Variants in CERT1 observed in about 807,000 individuals in gnomAD.
CERT1 encodes the protein ceramide transporter 1, also known as ceramide transfer protein.
Under a neutral mutation model 87.9 loss-of-function variants are expected in CERT1, and 31 were observed. The observed-to-expected ratio is 0.35, with a 90% CI of 0.27 to 0.48. The LOEUF (loss-of-function observed/expected upper bound fraction) is 0.48. CERT1 is among the 20% of genes least tolerant of loss of function. CERT1 has a pLI of 0.99. For missense variants in CERT1, 487 were observed against 758.0 expected, an observed-to-expected ratio of 0.64 and a Z score of 4.20; for synonymous variants, 289 against 250.9, an observed-to-expected ratio of 1.15 and a Z score of -1.44.
intron 2 of CERT1, among the ~76,000 whole-genome samples, chr5:75,498,584 C>T (rs939980048): frequency 3.3e-5 from 5 of 152,228 alleles, no homozygotes; most frequent in African/African-American, 9.6e-5. Context: ...CAAGCCTTGG[C>T]GGCTTTCCCA....
intron 3 of CERT1, among the ~76,000 whole-genome samples, chr5:75,447,815 A>G (rs1764617827): frequency 6.6e-6 from 1 of 151,334 alleles, no homozygotes; most frequent in South Asian, 2.1e-4. Flanking sequence ...TCATTGTGTT[A>G]CCCAGGCTAA....
chr5:75,429,267 T>C (rs1763765287), intron 3 of CERT1, among the ~76,000 whole-genome samples: 1 of 151,674 alleles, frequency 6.6e-6, no homozygotes, highest in Admixed American at 6.6e-5. Flanking sequence ...AGTGGCACAA[T>C]CTCGGCTCAC....
chr5:75,491,131 T>C (rs995233451), intron 2 of CERT1, among the ~76,000 whole-genome samples: 1 of 152,216 alleles, frequency 6.6e-6, no homozygotes, highest in Admixed American at 6.5e-5. Context: ...AGGATTTCAC[T>C]TTCCTTCTGT....
At chr5:75,438,845 C>T (rs960050903) in intron 3 of CERT1, among the ~76,000 whole-genome samples, 1 of 151,884 alleles carries the variant, frequency 6.6e-6, no homozygotes, top group Non-Finnish European at 1.5e-5. Context: ...ACTGAAACAC[C>T]TCCTACCCAG....
intron 2 of CERT1, among the ~76,000 whole-genome samples, chr5:75,492,521 T>C (rs958948792): frequency 6.6e-6 from 1 of 152,096 alleles, no homozygotes; most frequent in African/African-American, 2.4e-5. Flanking sequence ...TTAATAAAAA[T>C]TTCAATTGAC....
intron 6 of CERT1, among the ~76,000 whole-genome samples, chr5:75,417,754 C>T (rs1299919362): frequency 6.6e-6 from 1 of 152,194 alleles, no homozygotes; most frequent in East Asian, 1.9e-4. Context: ...CTTGAAAACA[C>T]TGTTAAGAGG....
chr5:75,494,958 C>T (rs1766987942), intron 2 of CERT1, among the ~76,000 whole-genome samples: 2 of 152,198 alleles, frequency 1.3e-5, no homozygotes, highest in South Asian at 4.1e-4. Context: ...CAGGAGACAA[C>T]CTTACTTTAT....
chr5:75,508,482 A>T (rs1767763076), intron 1 of CERT1, among the ~76,000 whole-genome samples: 1 of 152,178 alleles, frequency 6.6e-6, no homozygotes, highest in African/African-American at 2.4e-5. Context: ...AAACTGTATC[A>T]GCTTCAGGAC....
chr5:75,373,800 G>C (rs1240013127), downstream of CERT1: 1 of 301,332 alleles, frequency 3.3e-6, no homozygotes, highest in African/African-American at 2.2e-5. Context: ...CTTTTCTTTT[G>C]TGCACAAAAC....
intron 2 of CERT1, among the ~76,000 whole-genome samples, chr5:75,483,166 T>C (rs560235227): frequency 6.6e-6 from 1 of 152,286 alleles, no homozygotes; most frequent in African/African-American, 2.4e-5. Flanking sequence ...TTCAGACTCC[T>C]ATCTGAATTT....
At chr5:75,492,297 A>G (rs189648622) in intron 2 of CERT1, among the ~76,000 whole-genome samples, 1 of 152,146 alleles carries the variant, frequency 6.6e-6, no homozygotes, top group East Asian at 1.9e-4. Flanking sequence ...CAGGAGGTCA[A>G]GGTGGCAGCA....
chr5:75,442,506 C>G (rs1764363920), intron 3 of CERT1, among the ~76,000 whole-genome samples: 1 of 152,236 alleles, frequency 6.6e-6, no homozygotes, highest in South Asian at 2.1e-4. Flanking sequence ...CAGGCAAGAG[C>G]CACTGTGCCC....
chr5:75,449,012 C>T (rs1285516730), intron 3 of CERT1, among the ~76,000 whole-genome samples: 1 of 152,138 alleles, frequency 6.6e-6, no homozygotes, highest in African/African-American at 2.4e-5. Flanking sequence ...ATCTGGTAAA[C>T]TCTATGCAAA....
intron 3 of CERT1, among the ~76,000 whole-genome samples, chr5:75,453,821 T>C (rs1561274150): frequency 1.2e-4 from 1 of 8,436 alleles, no homozygotes; most frequent in East Asian, 1.8e-3. Context: ...CGCGTGTATG[T>C]ATGTGAGAGA....
rs575793998 is a variant in CERT1, at chr5:75,431,239, G to C, written c.349-4761C>G. ...ATCCTCCACCCTCAAGTAGGGCCCA[G>C]TGTCTATTGTTTCCCTCTTTGTGTC... On this transcript the variant is annotated intron_variant, in intron 3 of 16. Coordinates refer to ENST00000643780, the MANE Select transcript of CERT1 (RefSeq NM_001379029.1). Among the ~76,000 whole-genome samples the C allele has an allele frequency of 5.3e-5, 8 of 152,208 alleles. No homozygotes were observed. The South Asian group carries it at 1.5e-3, about 28-fold the overall frequency.
intron 11 of CERT1, among the ~76,000 whole-genome samples, chr5:75,391,051 A>C (rs1762010501): frequency 6.6e-6 from 1 of 151,246 alleles, no homozygotes; most frequent in Middle Eastern, 3.2e-3. Context: ...CTGCCACTAC[A>C]ATTTCCTGGG....
intron 5 of CERT1, 98 bp downstream of exon 5, chr5:75,425,263 T>C: frequency 8.2e-7 from 1 of 1,221,988 alleles, no homozygotes; most frequent in South Asian, 1.6e-5. Context: ...AAAATGACTA[T>C]AAACACCTTT....
chr5:75,374,606 A>G, downstream of CERT1: 1 of 684,980 alleles, frequency 1.5e-6, no homozygotes. Flanking sequence ...TGAAGGTCGC[A>G]GCAGTCAGGG....
chr5:75,485,916 G>A (rs899300083), intron 2 of CERT1, among the ~76,000 whole-genome samples: 2 of 151,988 alleles, frequency 1.3e-5, no homozygotes, highest in South Asian at 2.1e-4. Flanking sequence ...ACTGTTGAAC[G>A]TTACTGAACA....
Sources: gnomAD v4.1 joint callset for allele counts (sites outside exome capture counted in the v4.1 genomes callset) on GRCh38, gnomAD v4.1.1 for gene constraint, MANE v1.5 for transcripts, NCBI Gene and HGNC (gene_info 2026-07-23, HGNC 2026-07-21) for gene names.